ANKRD17: variants seen among roughly 807,000 people sequenced by gnomAD.
The protein encoded by ANKRD17 is ankyrin repeat domain 17.
ANKRD17 carries 19 observed loss-of-function variants against 229.7 expected under a neutral mutation model. The ratio of observed to expected loss-of-function variants is 0.08; its 90% CI spans 0.06 to 0.12. The LOEUF is 0.12. Among genes scored for constraint, ANKRD17 ranks in the 10% least tolerant of loss-of-function variants. The pLI, the probability that ANKRD17 is intolerant of heterozygous loss-of-function variation, is 1.00. For missense variants in ANKRD17, 2,176 were observed against 3,176.8 expected (o/e 0.68, Z 7.57); for synonymous variants, 1,112 against 1,146.1 (o/e 0.97, Z 0.60).
At chr4:73,134,795 C>G (rs1279512788) in intron 16 of ANKRD17, among the ~76,000 whole-genome samples, 1 of 151,804 alleles carries the variant, frequency 6.6e-6, no homozygotes, top group African/African-American at 2.4e-5. Flanking sequence ...ATATTTCAAA[C>G]CATATCTTCT....
intron 1 of ANKRD17, among the ~76,000 whole-genome samples, chr4:73,187,223 T>C (rs549907835): frequency 2.0e-5 from 3 of 152,206 alleles, no homozygotes; most frequent in South Asian, 2.1e-4. Flanking sequence ...GTAAACACTA[T>C]GAAATTTAAA....
chr4:73,240,458 C>CAAA (rs34164034), intron 1 of ANKRD17, among the ~76,000 whole-genome samples: 1 of 114,848 alleles, frequency 8.7e-6, no homozygotes, highest in African/African-American at 3.5e-5. Context: ...ACTATCTCTA[C>CAAA]AAAAAAAAAA....
chr4:73,125,098 A>G, intron 17 of ANKRD17, 40 bp from the exon 18 acceptor site: 1 of 1,608,408 alleles, frequency 6.2e-7, no homozygotes, highest in Non-Finnish European at 8.5e-7. Flanking sequence ...ATGCTAAGGC[A>G]AAAGAACAAA....
At chr4:73,187,780 T>C (rs1736496452) in intron 1 of ANKRD17, among the ~76,000 whole-genome samples, 1 of 152,170 alleles carries the variant, frequency 6.6e-6, no homozygotes, top group Non-Finnish European at 1.5e-5. Context: ...AACAGAAGTA[T>C]ATAACATAAA....
At chr4:73,125,126 T>C (rs886979044) in intron 17 of ANKRD17, 68 bp from the exon 18 acceptor site, 4 of 1,597,206 alleles carry the variant, frequency 2.5e-6, no homozygotes, top group South Asian at 2.2e-5. Context: ...ACCTTCAAAA[T>C]AGGACTAAAA....
At chr4:73,166,498 C>T (rs1413928011) in intron 2 of ANKRD17, among the ~76,000 whole-genome samples, 1 of 152,156 alleles carries the variant, frequency 6.6e-6, no homozygotes, top group African/African-American at 2.4e-5. Flanking sequence ...AATTTTACCT[C>T]TCAAGCATCC....
intron 15 of ANKRD17, 152 bp downstream of exon 15, chr4:73,139,379 G>A (rs772464773): frequency 1.2e-6 from 1 of 862,160 alleles, no homozygotes; most frequent in Non-Finnish European, 1.7e-6. Flanking sequence ...ATCCATCTGA[G>A]AACTTCTGAG....
At chr4:73,084,383 A>C (rs1026513717) in intron 30 of ANKRD17, among the ~76,000 whole-genome samples, 5 of 152,140 alleles carry the variant, frequency 3.3e-5, no homozygotes, top group Non-Finnish European at 7.4e-5. Flanking sequence ...CACTGCTTCA[A>C]AAGTCTGCCT....
At chr4:73,205,530 G>C (rs1365011901) in intron 1 of ANKRD17, among the ~76,000 whole-genome samples, 1 of 152,056 alleles carries the variant, frequency 6.6e-6, no homozygotes, top group Non-Finnish European at 1.5e-5. Context: ...GGGAGAACTA[G>C]ATACTGACAT....
chr4:73,155,634 T>G lies in ANKRD17; in HGVS notation c.997A>C (p.Thr333Pro), dbSNP rs142443589. Residue 333 changes from threonine to proline, a missense_variant, in exon 5 of 34, where the codon ACA becomes CCA. Thr to Pro is a conservative substitution (Grantham distance 38). Transcript: ENST00000358602. ...HKADVNAQSS[T>P]GNTALTYACA... ...CTGAAAAAGAAATAGGCATGACCTGTTGAAGACTGTGCATTAACATCTGCT... is the reference window on the plus strand; with the variant it reads ...CTGAAAAAGAAATAGGCATGACCTGGTGAAGACTGTGCATTAACATCTGCT... 4 of 1,614,142 alleles carry G rather than the reference T, an allele frequency of 2.5e-6. No homozygotes were observed. Among genetic ancestry groups the G allele is most frequent in the Non-Finnish European group, 8.5e-7 (1 of 1,180,014 alleles).
chr4:73,152,845 G>C (rs1731180531), intron 6 of ANKRD17, among the ~76,000 whole-genome samples: 1 of 152,088 alleles, frequency 6.6e-6, no homozygotes, highest in Non-Finnish European at 1.5e-5. Flanking sequence ...GGAACTAAGG[G>C]ACCTCAGCTG....
chr4:73,201,255 C>CA (rs1473048225), intron 1 of ANKRD17, among the ~76,000 whole-genome samples: 2 of 151,726 alleles, frequency 1.3e-5, no homozygotes, highest in Non-Finnish European at 2.9e-5. Flanking sequence ...CATCAATATA[C>CA]AAAAATTCTC....
At chr4:73,246,551 C>CA (rs35479653) in intron 1 of ANKRD17, among the ~76,000 whole-genome samples, 33 of 151,304 alleles carry the variant, frequency 2.2e-4, no homozygotes, top group East Asian at 1.4e-3. Flanking sequence ...GCCCAATTCT[C>CA]AAAAAAAACA....
At chr4:73,102,282 C>T in intron 25 of ANKRD17, 94 bp downstream of exon 25, 1 of 1,348,186 alleles carries the variant, frequency 7.4e-7, no homozygotes. Context: ...GGGTTAATAA[C>T]TTGAAAGCAT....
At chr4:73,104,400 G>C (rs1466100894) in intron 24 of ANKRD17, among the ~76,000 whole-genome samples, 1 of 152,180 alleles carries the variant, frequency 6.6e-6, no homozygotes, top group African/African-American at 2.4e-5. Context: ...GGAGAAGTGT[G>C]CTTGTTCTGT....
intron 1 of ANKRD17, among the ~76,000 whole-genome samples, chr4:73,240,985 T>C (rs1429382205): frequency 1.3e-5 from 2 of 151,900 alleles, no homozygotes; most frequent in Non-Finnish European, 2.9e-5. Flanking sequence ...ATTTTTTTTG[T>C]ATTTTAATAG....
chr4:73,156,284 C>A, intron 3 of ANKRD17, 118 bp from the exon 4 acceptor site: 1 of 1,255,952 alleles, frequency 8.0e-7, no homozygotes, highest in Non-Finnish European at 1.1e-6. Context: ...CTTGCTCTGT[C>A]ACCCAGGAGG....
chr4:73,084,009 T>C (rs1033036105), intron 30 of ANKRD17, among the ~76,000 whole-genome samples: 11 of 152,130 alleles, frequency 7.2e-5, no homozygotes, highest in Non-Finnish European at 1.6e-4. Flanking sequence ...TTCACATCTT[T>C]ACCTGGAAAA....
intron 1 of ANKRD17, among the ~76,000 whole-genome samples, chr4:73,206,039 C>T (rs975273549): frequency 6.6e-6 from 1 of 151,948 alleles, no homozygotes; most frequent in Admixed American, 6.6e-5. Context: ...TGAGACACTA[C>T]CATTCAGGGG....
Sources: allele counts gnomAD v4.1 joint callset (sites outside exome capture counted in the v4.1 genomes callset), GRCh38; gene constraint gnomAD v4.1.1; transcripts MANE v1.5; gene names NCBI Gene and HGNC (gene_info 2026-07-23, HGNC 2026-07-21).